Variants in HEATR5A observed in about 807,000 individuals in gnomAD.
HEATR5A encodes the protein HEAT repeat-containing protein 5A.
A neutral mutation model predicts 218.8 loss-of-function variants in HEATR5A; 178 were observed. The observed-to-expected ratio is 0.81, with a 90% CI of 0.72 to 0.92. HEATR5A has a LOEUF of 0.92. Ranked by LOEUF, HEATR5A falls within the 40% of genes least tolerant of loss-of-function variation. The pLI is 0.00. For synonymous variants in HEATR5A, 864 were observed against 871.6 expected, an observed-to-expected ratio of 0.99 and a Z score of 0.15; for missense variants, 2,420 against 2,418.9, an observed-to-expected ratio of 1.00 and a Z score of -0.01.
chr14:31,374,618 C>G (rs1413308258), intron 12 of HEATR5A, among the ~76,000 whole-genome samples, 198 bp downstream of exon 12: 1 of 152,078 alleles, frequency 6.6e-6, no homozygotes, highest in Admixed American at 6.5e-5. Flanking sequence ...TAAGAACTCT[C>G]AAATCTGGTT....
intron 24 of HEATR5A, among the ~76,000 whole-genome samples, chr14:31,322,089 T>C (rs539731221): frequency 1.3e-5 from 2 of 152,286 alleles, no homozygotes; most frequent in South Asian, 4.1e-4. Context: ...TAAAAAAAAG[T>C]TTTATGCGGC....
intron 20 of HEATR5A, among the ~76,000 whole-genome samples, chr14:31,344,339 G>A (rs1190682463): frequency 7.4e-6 from 1 of 135,060 alleles, no homozygotes; most frequent in East Asian, 2.2e-4. Context: ...GTGCGATGGT[G>A]CCATTTCGGC....
At position 31,318,280 on chromosome 14, in the gene HEATR5A, G is replaced by A. The variant is rs752867770; in HGVS notation, c.3982C>T (p.Leu1328Phe). 1.2e-6 allele frequency: 2 copies of A among 1,613,650 alleles called. No homozygotes were observed. The highest frequency in any genetic ancestry group is 8.5e-7 in the Non-Finnish European group (1 of 1,179,628). Residue 1328 changes from leucine (L) to phenylalanine (F), a missense_variant, in exon 26 of 36, where the codon CTT becomes TTT. Physicochemically the swap from Leu to Phe is conservative, Grantham distance 22 (BLOSUM62 0). Coordinates refer to ENST00000543095, the MANE Select transcript of HEATR5A (RefSeq NM_015473.4). ...EQYQANVGAA[L>F]RPAFTSETPP... is the part of the protein sequence containing the mutation. ...GTCTCTGAAGTGAAGGCTGGTCTAA[G>A]CGCTGCTCCTACCTGGCAAGAAATT...
chr14:31,367,082 A>G (rs530438739), intron 13 of HEATR5A, among the ~76,000 whole-genome samples: 1 of 152,202 alleles, frequency 6.6e-6, no homozygotes, highest in Non-Finnish European at 1.5e-5. Context: ...ATCCAGATGA[A>G]TCTACAAATA....
intron 1 of HEATR5A, among the ~76,000 whole-genome samples, chr14:31,415,129 C>T (rs7146522): frequency 0.95 from 144,967 of 152,296 alleles, 69,354 homozygotes; most frequent in Non-Finnish European, 1. Flanking sequence ...TGAGCCACCA[C>T]GCCCGGCTGG....
At chr14:31,409,593 G>A (rs181973975) in intron 1 of HEATR5A, among the ~76,000 whole-genome samples, 3 of 152,184 alleles carry the variant, frequency 2.0e-5, no homozygotes, top group East Asian at 1.9e-4. Flanking sequence ...CCAGCTGTTC[G>A]TGAGGCTGAG....
intron 22 of HEATR5A, 131 bp downstream of exon 22, chr14:31,337,345 T>C (rs1900702383): frequency 1.4e-6 from 1 of 728,160 alleles, no homozygotes. Flanking sequence ...GGAATAACTG[T>C]TAGCAATTCT....
At position 31,402,994 on chromosome 14, in the gene HEATR5A, C is replaced by A; in HGVS notation, c.-19G>T. The stretch of plus-strand genomic sequence containing the variant: ...ATTCCATTCCTTGCAGCAATCCTCC[C>A]AGCTGATCACAGTTCTTCTCGTTAA... On this transcript the variant is annotated 5_prime_UTR_variant, in exon 2 of 36. Coordinates refer to ENST00000543095, the MANE Select transcript of HEATR5A (RefSeq NM_015473.4). 1 of 1,532,422 alleles carries A rather than the reference C, an allele frequency of 6.5e-7. No individual in the cohort carries two copies. Among genetic ancestry groups the A allele is most frequent in the South Asian group, 1.2e-5 (1 of 83,406 alleles). The allele number at this position is 1,532,422 out of a possible 1,614,324, so 94.9% of individuals were successfully genotyped here. A position where few individuals can be genotyped will look rare whatever the true frequency, so the allele number is the denominator to read the frequency against.
chr14:31,386,149 A>C (rs1288858234), intron 9 of HEATR5A, among the ~76,000 whole-genome samples: 1 of 152,246 alleles, frequency 6.6e-6, no homozygotes, highest in African/African-American at 2.4e-5. Flanking sequence ...CTGCAGATGC[A>C]GAGAAAGTTC....
Position 31,315,950 on chromosome 14 carries a change from C to G in HEATR5A, c.4039-1G>C. ...CACTTGCTATCCAGGCACTGCAAACCTAGTTTTCAAGAAATTAAAAGTTAT... is the reference window on the plus strand; with the variant it reads ...CACTTGCTATCCAGGCACTGCAAACGTAGTTTTCAAGAAATTAAAAGTTAT... On this transcript the variant is annotated splice_acceptor_variant, in intron 26 of 35. Coordinates refer to ENST00000543095, the MANE Select transcript of HEATR5A (RefSeq NM_015473.4). LOFTEE classifies it high-confidence loss of function. 4 of 1,529,840 alleles carry G rather than the reference C, an allele frequency of 2.6e-6. No homozygotes were observed. Among genetic ancestry groups the G allele is most frequent in the Non-Finnish European group, 3.5e-6 (4 of 1,137,658 alleles). The allele number at this position is 1,529,840 out of a possible 1,614,324, so 94.8% of individuals were successfully genotyped here.
intron 1 of HEATR5A, among the ~76,000 whole-genome samples, chr14:31,409,984 C>T (rs1595187943): frequency 6.6e-6 from 1 of 152,184 alleles, no homozygotes; most frequent in South Asian, 2.1e-4. Flanking sequence ...TATATCATTT[C>T]AAGGGCGGAA....
At chr14:31,356,913 T>C (rs969681093) in intron 16 of HEATR5A, among the ~76,000 whole-genome samples, 1 of 152,220 alleles carries the variant, frequency 6.6e-6, no homozygotes, top group South Asian at 2.1e-4. Flanking sequence ...AGAACAGGCT[T>C]AATTTAAATC....
intron 22 of HEATR5A, among the ~76,000 whole-genome samples, chr14:31,331,888 C>T (rs1334275006): frequency 2.6e-5 from 4 of 152,208 alleles, no homozygotes; most frequent in African/African-American, 7.2e-5. Flanking sequence ...AAACCGCTCC[C>T]ATGATCCAAT....
chr14:31,416,173 A>C (rs2031439278), intron 1 of HEATR5A, among the ~76,000 whole-genome samples: 1 of 152,138 alleles, frequency 6.6e-6, no homozygotes, highest in Non-Finnish European at 1.5e-5. Flanking sequence ...GCTGCAGTGC[A>C]GTGGTACGAT....
At chr14:31,318,386 A>G in intron 25 of HEATR5A, 94 bp from the exon 26 acceptor site, 1 of 946,056 alleles carries the variant, frequency 1.1e-6, no homozygotes, top group Non-Finnish European at 1.6e-6. Context: ...ATTTATTTAT[A>G]ACAGGTATTA....
At chr14:31,375,133 A>T (rs1298437514) in intron 11 of HEATR5A, among the ~76,000 whole-genome samples, 165 bp from the exon 12 acceptor site, 1 of 152,194 alleles carries the variant, frequency 6.6e-6, no homozygotes, top group Non-Finnish European at 1.5e-5. Flanking sequence ...ATGAATTATT[A>T]TCTGAAGGTG....
chr14:31,310,097 A>G (rs1465380905), intron 28 of HEATR5A, among the ~76,000 whole-genome samples: 1 of 152,144 alleles, frequency 6.6e-6, no homozygotes, highest in Non-Finnish European at 1.5e-5. Flanking sequence ...AATGACTCCT[A>G]GATATGGTCT....
chr14:31,387,291 C>T lies in HEATR5A; in HGVS notation c.1018G>A (p.Ala340Thr). The T allele has an allele frequency of 6.2e-7, 1 of 1,613,924 alleles. No individual in the cohort carries two copies. The highest frequency in any genetic ancestry group is 8.5e-7 in the Non-Finnish European group (1 of 1,179,860). Reference protein sequence around the residue: ...AAFFSHILSLASPSHPKATQT... With the variant: ...AAFFSHILSLTSPSHPKATQT... Reference sequence around the variant, plus strand: ...GTGGCTTTAGGGTGTGACGGTGACGCAAGGCTTAGGATATGAGAAAAAAAG... The same window carrying T: ...GTGGCTTTAGGGTGTGACGGTGACGTAAGGCTTAGGATATGAGAAAAAAAG... Residue 340 changes from alanine (A) to threonine (T), a missense_variant, in exon 8 of 36, where the codon GCG becomes ACG. Physicochemically the swap from Ala to Thr is moderately conservative, Grantham distance 58. Coordinates refer to ENST00000543095, the MANE Select transcript of HEATR5A (RefSeq NM_015473.4).
At position 31,330,653 on chromosome 14, in the gene HEATR5A, T is replaced by C. The variant is rs1293777050; in HGVS notation, c.3368-4311A>G. On this transcript the variant is annotated intron_variant, in intron 22 of 35. Transcript: ENST00000543095. ...AAAAATACAACAAATTAACTGGGTGTGGTGGCAGGTGCCTGTAGTCCCAGC... is the reference window on the plus strand; with the variant it reads ...AAAAATACAACAAATTAACTGGGTGCGGTGGCAGGTGCCTGTAGTCCCAGC... 1.3e-4 allele frequency among the ~76,000 whole-genome samples: 20 copies of C among 151,648 alleles called. 1 individual carries two copies. Among genetic ancestry groups the C allele is most frequent in the Admixed American group, 1.3e-3 (20 of 15,208 alleles).
Sources: allele counts gnomAD v4.1 joint callset (sites outside exome capture counted in the v4.1 genomes callset), GRCh38; gene constraint gnomAD v4.1.1; transcripts MANE v1.5; gene names NCBI Gene and HGNC (gene_info 2026-07-23, HGNC 2026-07-21).